Variants in KCNC1 observed in about 807,000 individuals in gnomAD.
The protein encoded by KCNC1 is voltage-gated potassium channel KCNC1.
In KCNC1, 8 loss-of-function variants were observed where a neutral mutation model predicts 43.4. That is an observed-to-expected ratio of 0.18 (90% CI 0.11 to 0.33). The LOEUF (loss-of-function observed/expected upper bound fraction) is 0.33. KCNC1 is among the 10% of genes least tolerant of loss of function. The probability of loss-of-function intolerance (pLI) is 1.00; values close to 1 mark genes in which losing one functional copy is unlikely to be tolerated. For missense variants in KCNC1, 420 were observed against 836.0 expected (o/e 0.50, Z 6.14); for synonymous variants, 361 against 360.5 (o/e 1.00, Z -0.01).
At chr11:17,760,011 C>G (rs1481947106) in intron 1 of KCNC1, among the ~76,000 whole-genome samples, 1 of 152,180 alleles carries the variant, frequency 6.6e-6, no homozygotes, top group African/African-American at 2.4e-5. Flanking sequence ...ATATGGAGCG[C>G]CTTCCTACTC....
At chr11:17,737,372 T>TCC (rs1214928632) in intron 1 of KCNC1, among the ~76,000 whole-genome samples, 1 of 151,558 alleles carries the variant, frequency 6.6e-6, no homozygotes, top group Non-Finnish European at 1.5e-5. Context: ...TCCTTAAGGG[T>TCC]CCTTAAGGGG....
Position 17,779,677 on chromosome 11 carries a change from T to C in KCNC1, c.1693+33T>C. 6.9e-7 allele frequency: 1 copy of C among 1,443,120 alleles called. No homozygotes were observed. Among genetic ancestry groups the C allele is most frequent in the Non-Finnish European group, 9.2e-7 (1 of 1,091,856 alleles). 89.4% of individuals were successfully genotyped at this position (1,443,120 alleles called of 1,614,324 possible). On this transcript the variant is annotated intron_variant, in intron 3 of 3. Transcript: ENST00000265969. The surrounding 1 kb of genome is among the most constrained non-coding windows in gnomAD (Gnocchi z 7.2). Reference sequence around the variant, plus strand: ...GAGGAAGCTGGAGCACCGTGCATCGTCCGGGCCGCCTCGCGCTCCTGCAGA... The same window carrying C: ...GAGGAAGCTGGAGCACCGTGCATCGCCCGGGCCGCCTCGCGCTCCTGCAGA...
intron 2 of KCNC1, chr11:17,775,787 G>A: frequency 1.0e-6 from 1 of 985,860 alleles, no homozygotes; most frequent in Non-Finnish European, 1.2e-6. Flanking sequence ...GGGTGGTGGT[G>A]GCCGGGCTCC....
chr11:17,747,636 T>G (rs1848915044), intron 1 of KCNC1, among the ~76,000 whole-genome samples: 1 of 152,066 alleles, frequency 6.6e-6, no homozygotes, highest in Non-Finnish European at 1.5e-5. Context: ...CCAGCCTGGG[T>G]GGGGACGAGC....
intron 1 of KCNC1, among the ~76,000 whole-genome samples, chr11:17,748,672 C>T (rs1848929982): frequency 6.6e-6 from 1 of 152,124 alleles, no homozygotes. Context: ...TACCCAGAAC[C>T]CCACTGGCTC....
intron 1 of KCNC1, among the ~76,000 whole-genome samples, chr11:17,761,662 CCTA>C (rs1228077640): frequency 6.6e-6 from 1 of 152,236 alleles, no homozygotes; most frequent in Non-Finnish European, 1.5e-5. Flanking sequence ...CACCATGTGG[CCTA>C]CTTGCCAGCA....
In KCNC1 at chr11:17,751,269, C is replaced by T. The variant is rs546229245; in HGVS notation, c.570+14697C>T. Among the ~76,000 whole-genome samples the T allele has an allele frequency of 9.9e-5, 15 of 152,098 alleles. No individual in the cohort carries two copies. In the South Asian group the frequency reaches 2.9e-3, roughly 29 times the overall value. ...AAAATGAGGTAGTGGGAGAGACCGA[C>T]GAGTAATGGACGAATAGATGAAAGA... On this transcript the variant is annotated intron_variant, in intron 1 of 3. Transcript: ENST00000265969.
In KCNC1 at chr11:17,777,610, C is replaced by A. The variant is rs1002629063; in HGVS notation, c.1505-1846C>A. 6.1e-6 allele frequency: 6 copies of A among 985,744 alleles called. No homozygotes were observed. In the African/African-American group the frequency reaches 8.7e-5, roughly 14 times the overall value. The allele number at this position is 985,744 out of a possible 1,614,324, so 61.1% of individuals were successfully genotyped here. ...ACATGCCCCAAGACCCCAGAGACGC[C>A]CCGGCCCCAGTCACATGGTGTCAGA... On this transcript the variant is annotated intron_variant, in intron 2 of 3. Transcript: ENST00000265969. This position sits in a 1 kb window ranked among gnomAD's most constrained non-coding sequence, Gnocchi z 4.3.
rs1849227903 is a variant in KCNC1 at position 17,771,504 on chromosome 11, C to T, written c.571-161C>T. ...GGGTTTTAGAGCCTGCCCTGACGGT[C>T]GTGCAGGCCCCCTGTGCCCTGAGGA... On this transcript the variant is annotated intron_variant, in intron 1 of 3. Coordinates refer to ENST00000265969, the MANE Select transcript of KCNC1 (RefSeq NM_001112741.2). The surrounding 1 kb of genome is among the most constrained non-coding windows in gnomAD (Gnocchi z 4.7). Among the ~76,000 whole-genome samples, 3 of 152,180 alleles carry T rather than the reference C, an allele frequency of 2.0e-5. No homozygotes were observed. The highest frequency in any genetic ancestry group is 6.5e-5 in the Admixed American group (1 of 15,288).
In KCNC1 at chr11:17,735,853, T is replaced by C; in HGVS notation, c.-150T>C. On this transcript the variant is annotated 5_prime_UTR_variant, in exon 1 of 4. Transcript: ENST00000265969. The surrounding 1 kb of genome is among the most constrained non-coding windows in gnomAD (Gnocchi z 6.7). Reference sequence around the variant, plus strand: ...GCCCGGAGAGGCTTGGCTCGCTCGTTGGGGTGGCCAGAGCCGCAGGCCTCT... The same window carrying C: ...GCCCGGAGAGGCTTGGCTCGCTCGTCGGGGTGGCCAGAGCCGCAGGCCTCT... 1.1e-6 allele frequency: 1 copy of C among 873,218 alleles called. No individual in the cohort carries two copies. The highest frequency in any genetic ancestry group is 1.6e-6 in the Non-Finnish European group (1 of 622,182). 54.1% of individuals were successfully genotyped at this position (873,218 alleles called of 1,614,324 possible). A position where few individuals can be genotyped will look rare whatever the true frequency, so the allele number is the denominator to read the frequency against.
Position 17,735,851 on chromosome 11 carries a change from G to T in KCNC1, c.-152G>T. On this transcript the variant is annotated 5_prime_UTR_variant, in exon 1 of 4. Transcript: ENST00000265969. This position sits in a 1 kb window ranked among gnomAD's most constrained non-coding sequence, Gnocchi z 6.7. ...GCGCCCGGAGAGGCTTGGCTCGCTC[G>T]TTGGGGTGGCCAGAGCCGCAGGCCT... 1.2e-6 allele frequency: 1 copy of T among 864,176 alleles called. No homozygotes were observed. The highest frequency in any genetic ancestry group is 1.6e-6 in the Non-Finnish European group (1 of 614,242). The allele number at this position is 864,176 out of a possible 1,614,324, so 53.5% of individuals were successfully genotyped here. A position where few individuals can be genotyped will look rare whatever the true frequency, so the allele number is the denominator to read the frequency against.
At chr11:17,780,782 T>C (rs1307332296) in intron 3 of KCNC1, 2 of 152,374 alleles carry the variant, frequency 1.3e-5, no homozygotes, top group African/African-American at 2.4e-5. Flanking sequence ...CGAGGGAACG[T>C]GGTTCTGGTC....
In KCNC1 at chr11:17,781,605, G is replaced by T; in HGVS notation, c.1694-65G>T. On this transcript the variant is annotated intron_variant, in intron 3 of 3. Transcript: ENST00000265969. This position sits in a 1 kb window ranked among gnomAD's most constrained non-coding sequence, Gnocchi z 5.1. ...TTTCCTCCTCCTTCTTAAAAACTAA[G>T]TACCAAGCGGGATGGGAGAGCCAAG... 1 of 1,120,556 alleles carries T rather than the reference G, an allele frequency of 8.9e-7. No homozygotes were observed. The highest frequency in any genetic ancestry group is 1.3e-6 in the Non-Finnish European group (1 of 757,906). The allele number at this position is 1,120,556 out of a possible 1,614,324, so 69.4% of individuals were successfully genotyped here.
At chr11:17,769,399 T>C (rs1343439180) in intron 1 of KCNC1, among the ~76,000 whole-genome samples, 1 of 147,790 alleles carries the variant, frequency 6.8e-6, no homozygotes, top group Non-Finnish European at 1.5e-5. Flanking sequence ...TGAATGGATG[T>C]ATGGATGGAA....
At position 17,736,594 on chromosome 11, in the gene KCNC1, A is replaced by G; in HGVS notation, c.570+22A>G. ...GCGGGTAAGTGACAATTTACCCATC[A>G]GAAGAGCGGGGCGGGAAGGCAGCGT... On this transcript the variant is annotated intron_variant, in intron 1 of 3. Coordinates refer to ENST00000265969, the MANE Select transcript of KCNC1 (RefSeq NM_001112741.2). The surrounding 1 kb of genome is among the most constrained non-coding windows in gnomAD (Gnocchi z 9.3). The G allele has an allele frequency of 1.4e-6, 2 of 1,479,596 alleles. No individual in the cohort carries two copies. Among genetic ancestry groups the G allele is most frequent in the Non-Finnish European group, 1.8e-6 (2 of 1,121,948 alleles). 91.7% of individuals were successfully genotyped at this position (1,479,596 alleles called of 1,614,324 possible).
chr11:17,735,971 C>G lies in KCNC1; in HGVS notation c.-32C>G, dbSNP rs929174953. ...CTGGCGGCCGCTCCCATGGGTGTCG[C>G]TGGGCCGCGCCATGCCTAAGGGGGC... On this transcript the variant is annotated 5_prime_UTR_variant, in exon 1 of 4. Transcript: ENST00000265969. This position sits in a 1 kb window ranked among gnomAD's most constrained non-coding sequence, Gnocchi z 6.7. The G allele has an allele frequency of 3.2e-5, 45 of 1,406,836 alleles. No homozygotes were observed. Among genetic ancestry groups the G allele is most frequent in the Non-Finnish European group, 2.9e-5 (32 of 1,088,416 alleles). 87.1% of individuals were successfully genotyped at this position (1,406,836 alleles called of 1,614,324 possible). A position where few individuals can be genotyped will look rare whatever the true frequency, so the allele number is the denominator to read the frequency against.
chr11:17,740,641 T>C (rs1010315633), intron 1 of KCNC1, among the ~76,000 whole-genome samples: 3 of 151,872 alleles, frequency 2.0e-5, no homozygotes, highest in Non-Finnish European at 2.9e-5. Flanking sequence ...CAGAGTGTCC[T>C]GTGTGTGTGT....
chr11:17,776,233 C>T lies in KCNC1; in HGVS notation c.1505-3223C>T. ...CTAATCATGTTTCTCTCTCTCTCCT[C>T]GTTTTGTTGCATGACTTGTGCCGGT... On this transcript the variant is annotated intron_variant, in intron 2 of 3. Coordinates refer to ENST00000265969, the MANE Select transcript of KCNC1 (RefSeq NM_001112741.2). The surrounding 1 kb of genome is among the most constrained non-coding windows in gnomAD (Gnocchi z 4.4). The T allele has an allele frequency of 3.0e-6, 3 of 985,438 alleles. No homozygotes were observed. Among genetic ancestry groups the T allele is most frequent in the Non-Finnish European group, 3.6e-6 (3 of 829,972 alleles). The allele number at this position is 985,438 out of a possible 1,614,324, so 61.0% of individuals were successfully genotyped here.
At chr11:17,769,162 G>A (rs535294282) in intron 1 of KCNC1, among the ~76,000 whole-genome samples, 1 of 152,194 alleles carries the variant, frequency 6.6e-6, no homozygotes, top group African/African-American at 2.4e-5. Context: ...TGAGGGTTCA[G>A]CTTTTCAGTC....
Sources: allele counts gnomAD v4.1 joint callset (sites outside exome capture counted in the v4.1 genomes callset), GRCh38; gene constraint gnomAD v4.1.1; non-coding constraint Gnocchi (gnomAD v3.1); transcripts MANE v1.5; gene names NCBI Gene and HGNC (gene_info 2026-07-23, HGNC 2026-07-21).